Variants in CLIP2 observed in about 807,000 individuals in gnomAD.
The protein encoded by CLIP2 is CAP-Gly domain-containing linker protein 2.
Under a neutral mutation model 111.7 loss-of-function variants are expected in CLIP2, and 41 were observed. The observed-to-expected ratio is 0.37, with a 90% CI of 0.29 to 0.48. The LOEUF (loss-of-function observed/expected upper bound fraction) is 0.48, where lower values mean the gene tolerates loss of function less well. Ranked by LOEUF, CLIP2 falls within the 20% of genes least tolerant of loss-of-function variation. CLIP2 has a pLI of 0.99. For missense variants in CLIP2, 1,160 were observed against 1,422.1 expected (o/e 0.82, Z 2.96); for synonymous variants, 660 against 644.2 (o/e 1.02, Z -0.37).
At chr7:74,369,767 G>A (rs1457287644) in intron 8 of CLIP2, among the ~76,000 whole-genome samples, 2 of 84,508 alleles carry the variant, frequency 2.4e-5, no homozygotes, top group African/African-American at 9.1e-5. Flanking sequence ...TGAGGCAGGA[G>A]AATCGCTTGA....
In CLIP2 at chr7:74,403,850, C is replaced by T. The variant is rs782001194; in HGVS notation, c.*2C>T. On this transcript the variant is annotated 3_prime_UTR_variant, in exon 17 of 17. Transcript: ENST00000223398. The stretch of plus-strand genomic sequence containing the variant: ...TACTCTCTCTAGGACAAGCACTGAT[C>T]CTGAGGGGATACTGTGGAGCAGCCC... 6.2e-7 allele frequency: 1 copy of T among 1,613,318 alleles called. No individual in the cohort carries two copies. The highest frequency in any genetic ancestry group is 8.5e-7 in the Non-Finnish European group (1 of 1,179,854).
intron 3 of CLIP2, among the ~76,000 whole-genome samples, chr7:74,340,289 G>T (rs1554305138): frequency 6.6e-6 from 1 of 151,626 alleles, no homozygotes; most frequent in Non-Finnish European, 1.5e-5. Context: ...CCAGCTACTT[G>T]GGAAGCTGAG....
chr7:74,366,192 T>C (rs550187959), intron 8 of CLIP2, among the ~76,000 whole-genome samples: 1 of 151,934 alleles, frequency 6.6e-6, no homozygotes, highest in South Asian at 2.1e-4. Context: ...CCCCAGAAGG[T>C]TATCAGGCTC....
intron 1 of CLIP2, among the ~76,000 whole-genome samples, chr7:74,298,145 G>A (rs1788225619): frequency 6.6e-6 from 1 of 151,696 alleles, no homozygotes; most frequent in African/African-American, 2.4e-5. Flanking sequence ...AGGAGTTCGA[G>A]ACCAACCTGG....
intron 3 of CLIP2, among the ~76,000 whole-genome samples, chr7:74,351,236 T>C (rs1399360841): frequency 1.3e-5 from 2 of 150,296 alleles, no homozygotes; most frequent in Non-Finnish European, 3.0e-5. Context: ...CTGAGGCAAA[T>C]GGATTGCTTG....
intron 1 of CLIP2, among the ~76,000 whole-genome samples, chr7:74,290,587 T>TC (rs1787988045): frequency 5.9e-5 from 9 of 152,188 alleles, no homozygotes; most frequent in Admixed American, 5.9e-4. Flanking sequence ...CAGCAGTGTG[T>TC]CCCCCAACGT....
chr7:74,312,249 A>T (rs1333781769), intron 1 of CLIP2, among the ~76,000 whole-genome samples: 2 of 152,092 alleles, frequency 1.3e-5, no homozygotes, highest in African/African-American at 4.8e-5. Flanking sequence ...AAATAAATAA[A>T]TAAATAAAAT....
intron 13 of CLIP2, among the ~76,000 whole-genome samples, chr7:74,390,175 AAG>A (rs797042145): frequency 2.1e-3 from 141 of 66,862 alleles, no homozygotes; most frequent in African/African-American, 4.2e-3. Flanking sequence ...GAAAGAAAGA[AAG>A]AAAGAAAGAA....
intron 2 of CLIP2, among the ~76,000 whole-genome samples, chr7:74,328,951 C>T (rs945469564): frequency 5.3e-5 from 8 of 150,876 alleles, no homozygotes; most frequent in Middle Eastern, 3.4e-3. Flanking sequence ...CTCATTCTGT[C>T]GCCCAGGCTG....
At chr7:74,353,820 CT>C (rs1351897232) in intron 3 of CLIP2, 59 bp from the exon 4 acceptor site, 2 of 1,612,856 alleles carry the variant, frequency 1.2e-6, no homozygotes, top group Non-Finnish European at 1.7e-6. Context: ...CTGGGTGCCC[CT>C]GCCATCTCTG....
At chr7:74,323,080 GTTTTATTTATTTATT>G (rs1789006370) in intron 2 of CLIP2, among the ~76,000 whole-genome samples, 1 of 129,194 alleles carries the variant, frequency 7.7e-6, no homozygotes, top group African/African-American at 2.8e-5. Context: ...GTTTAGCTAT[GTTTTATTTATTTATT>G]TATTTATTTA....
At chr7:74,391,649 G>C (rs34597740) in intron 13 of CLIP2, among the ~76,000 whole-genome samples, 26,978 of 151,066 alleles carry the variant, frequency 0.18, 2,565 homozygotes, top group Middle Eastern at 0.2. Context: ...GCGAAACCCC[G>C]TCTCTACTAA....
At chr7:74,317,763 C>A in intron 2 of CLIP2, 96 bp downstream of exon 2, 1 of 1,293,764 alleles carries the variant, frequency 7.7e-7, no homozygotes, top group Non-Finnish European at 9.9e-7. Flanking sequence ...ACTCTGTGAC[C>A]AATCTGATGG....
intron 2 of CLIP2, among the ~76,000 whole-genome samples, chr7:74,327,729 G>T (rs1380887334): frequency 6.6e-6 from 1 of 152,176 alleles, no homozygotes; most frequent in Non-Finnish European, 1.5e-5. Context: ...TGGTGGGGGT[G>T]GGGGCAGGGC....
At chr7:74,391,312 G>GA (rs1410949859) in intron 13 of CLIP2, among the ~76,000 whole-genome samples, 2 of 152,106 alleles carry the variant, frequency 1.3e-5, no homozygotes, top group East Asian at 1.9e-4. Context: ...ACTAGCCCCA[G>GA]AAAAAACCTA....
At chr7:74,293,873 C>T (rs1204176790) in intron 1 of CLIP2, among the ~76,000 whole-genome samples, 1 of 151,268 alleles carries the variant, frequency 6.6e-6, no homozygotes, top group Non-Finnish European at 1.5e-5. Flanking sequence ...CCTTTCAGGA[C>T]CTGGAGATTT....
intron 1 of CLIP2, among the ~76,000 whole-genome samples, chr7:74,291,445 C>T (rs1788015487): frequency 6.6e-6 from 1 of 152,200 alleles, no homozygotes. Flanking sequence ...GCTTAACAGC[C>T]CGGGTTCAAA....
At chr7:74,354,046 C>A in intron 4 of CLIP2, 42 bp downstream of exon 4, 1 of 1,581,274 alleles carries the variant, frequency 6.3e-7, no homozygotes, top group Non-Finnish European at 8.6e-7. Context: ...GGGGGCTCCT[C>A]TCCCCAGGGT....
intron 13 of CLIP2, among the ~76,000 whole-genome samples, chr7:74,396,025 G>C (rs2116704404): frequency 6.6e-6 from 1 of 152,292 alleles, no homozygotes; most frequent in African/African-American, 2.4e-5. Context: ...CTCTACCCGT[G>C]GCCACCTAGT....
Sources: allele counts gnomAD v4.1 joint callset (sites outside exome capture counted in the v4.1 genomes callset), GRCh38; gene constraint gnomAD v4.1.1; transcripts MANE v1.5; gene names NCBI Gene and HGNC (gene_info 2026-07-23, HGNC 2026-07-21).